Variants in RANBP2 observed in about 807,000 individuals in gnomAD.
The protein encoded by RANBP2 is RAN binding protein 2, also known as E3 SUMO-protein ligase RanBP2.
A neutral mutation model predicts 303.6 loss-of-function variants in RANBP2; 57 were observed. The ratio of observed to expected loss-of-function variants is 0.19; its 90% CI spans 0.15 to 0.23. RANBP2 has a LOEUF of 0.23. Ranked by LOEUF, RANBP2 falls within the 10% of genes least tolerant of loss-of-function variation. RANBP2 has a pLI of 1.00. For missense variants in RANBP2, 3,138 were observed against 3,780.8 expected (o/e 0.83, Z 4.46); for synonymous variants, 1,167 against 1,301.5 (o/e 0.90, Z 2.23).
intron 7 of RANBP2, among the ~76,000 whole-genome samples, chr2:108,742,495 G>A (rs1200914176): frequency 6.6e-5 from 10 of 151,856 alleles, no homozygotes; most frequent in South Asian, 6.2e-4. Flanking sequence ...TAATAGAGAC[G>A]GGGTTTCACC....
chr2:109,173,252 G>A, the RANBP2 span, among the ~76,000 whole-genome samples: 1 of 152,204 alleles, frequency 6.6e-6, no homozygotes, highest in African/African-American at 2.4e-5. Flanking sequence ...CTTAAGAATT[G>A]TCTGGCTCAG....
chr2:109,229,885 C>T, the RANBP2 span, among the ~76,000 whole-genome samples: 60 of 147,928 alleles, frequency 4.1e-4, no homozygotes, highest in Non-Finnish European at 6.5e-4. Flanking sequence ...AGTGCAGTGG[C>T]GCAATCTTGG....
chr2:109,600,448 G>A, the RANBP2 span, among the ~76,000 whole-genome samples: 1 of 150,204 alleles, frequency 6.7e-6, no homozygotes, highest in African/African-American at 2.5e-5. Context: ...TAAATTCCTA[G>A]AATATAATTC....
the RANBP2 span, chr2:109,585,790 C>A: frequency 3.1e-6 from 5 of 1,612,258 alleles, no homozygotes; most frequent in South Asian, 1.1e-5. Context: ...GGCAAACTCT[C>A]AAAACCAACA....
chr2:108,815,976 T>C, the RANBP2 span: 30 of 1,612,854 alleles, frequency 1.9e-5, no homozygotes, highest in African/African-American at 2.7e-5. Flanking sequence ...AACTTTTAAC[T>C]GTCTTCATGG....
chr2:108,920,646 A>C, the RANBP2 span, among the ~76,000 whole-genome samples: 1 of 152,200 alleles, frequency 6.6e-6, no homozygotes, highest in African/African-American at 2.4e-5. Context: ...CTGATCTGCA[A>C]TCTGACGCCT....
intron 9 of RANBP2, 85 bp downstream of exon 9, chr2:108,749,214 A>T: frequency 6.3e-7 from 1 of 1,598,942 alleles, no homozygotes; most frequent in Non-Finnish European, 8.6e-7. Flanking sequence ...ATAACGACTT[A>T]ATATTTTCCT....
At chr2:108,812,540 A>G in the RANBP2 span, 2 of 905,380 alleles carry the variant, frequency 2.2e-6, no homozygotes, top group Admixed American at 4.1e-5. Context: ...GGTTAGTAAT[A>G]TCAACCAGAT....
chr2:108,757,896 G>T (rs1437749318), intron 17 of RANBP2, among the ~76,000 whole-genome samples: 1 of 152,128 alleles, frequency 6.6e-6, no homozygotes, highest in African/African-American at 2.4e-5. Context: ...ATTAGGTTTT[G>T]TATTAATAAA....
chr2:109,418,520 G>A, the RANBP2 span, among the ~76,000 whole-genome samples: 1 of 152,174 alleles, frequency 6.6e-6, no homozygotes, highest in East Asian at 1.9e-4. Context: ...CATCACTCCT[G>A]TCACTGCTCC....
the RANBP2 span, among the ~76,000 whole-genome samples, chr2:109,430,875 A>C: frequency 2.6e-5 from 4 of 152,224 alleles, no homozygotes; most frequent in Non-Finnish European, 4.4e-5. Context: ...TGCCAGCCAC[A>C]GTTGGAGCCC....
chr2:109,711,167 A>G, the RANBP2 span, among the ~76,000 whole-genome samples: 1 of 151,954 alleles, frequency 6.6e-6, no homozygotes, highest in Non-Finnish European at 1.5e-5. Context: ...GCCAAGTGAG[A>G]ACTTCAGCCG....
chr2:109,180,088 G>C, the RANBP2 span, among the ~76,000 whole-genome samples: 1 of 151,894 alleles, frequency 6.6e-6, no homozygotes, highest in East Asian at 1.9e-4. Flanking sequence ...GAACAAATGG[G>C]CCTCCATGGG....
At chr2:109,588,143 A>G in the RANBP2 span, among the ~76,000 whole-genome samples, 2 of 152,136 alleles carry the variant, frequency 1.3e-5, no homozygotes, top group African/African-American at 4.8e-5. Flanking sequence ...TCTACAGCCA[A>G]TGAAAACATC....
the RANBP2 span, among the ~76,000 whole-genome samples, chr2:109,133,697 G>T: frequency 6.7e-6 from 1 of 149,224 alleles, no homozygotes; most frequent in Non-Finnish European, 1.5e-5. Flanking sequence ...TTTCATACAT[G>T]GTCATCTTGA....
the RANBP2 span, among the ~76,000 whole-genome samples, chr2:109,623,679 G>A: frequency 2.6e-5 from 4 of 152,316 alleles, no homozygotes; most frequent in Non-Finnish European, 4.4e-5. Context: ...ATGGCTTAAG[G>A]TGTGCACCCA....
In RANBP2 at chr2:108,734,914, G is replaced by A. The variant is rs148615868; in HGVS notation, c.406-618G>A. Among the ~76,000 whole-genome samples, 1,239 of 152,150 alleles carry A rather than the reference G, an allele frequency of 8.1e-3. 14 individuals carry two copies. The highest frequency in any genetic ancestry group is 0.028 in the African/African-American group (1,168 of 41,490). ...ACAGAACGTTAAAAAAAAATTAGCC[G>A]GGCACGGTGGTGCATGCCTGTGGTC... On this transcript the variant is annotated intron_variant, in intron 4 of 28. Transcript: ENST00000283195.
chr2:109,463,411 C>T, the RANBP2 span, among the ~76,000 whole-genome samples: 1 of 152,184 alleles, frequency 6.6e-6, no homozygotes, highest in African/African-American at 2.4e-5. Flanking sequence ...TCCAGGTTTC[C>T]CAGTTCCATG....
the RANBP2 span, among the ~76,000 whole-genome samples, chr2:108,948,568 T>G: frequency 6.6e-5 from 10 of 152,248 alleles, no homozygotes; most frequent in African/African-American, 2.2e-4. Context: ...AAACTCACAG[T>G]CATCGCAGAA....
Sources: gnomAD v4.1 joint callset for allele counts (sites outside exome capture counted in the v4.1 genomes callset) on GRCh38, gnomAD v4.1.1 for gene constraint, MANE v1.5 for transcripts, NCBI Gene and HGNC (gene_info 2026-07-23, HGNC 2026-07-21) for gene names.